STAB1: variants seen among roughly 807,000 people sequenced by gnomAD.
STAB1 encodes stabilin 1.
In STAB1, 250 loss-of-function variants were observed where a neutral mutation model predicts 332.4. That is an observed-to-expected ratio of 0.75 (90% CI 0.68 to 0.84). STAB1 has a LOEUF of 0.84. Among genes scored for constraint, STAB1 ranks in the 40% least tolerant of loss-of-function variants. STAB1 has a pLI of 0.00. For missense variants in STAB1, 3,249 were observed against 3,489.7 expected (o/e 0.93, Z 1.74); for synonymous variants, 1,475 against 1,390.4 (o/e 1.06, Z -1.35).
chr3:52,518,719 C>G lies in STAB1; in HGVS notation c.4888-4C>G, dbSNP rs768928203. ...ACCCCACTCCCCTCGCGACTCTGCT[C>G]CAGGATGAGCTGGCCCGGATTCGTG... is the stretch of plus-strand genomic sequence containing the variant. On this transcript the variant is annotated splice_region_variant and splice_polypyrimidine_tract_variant and intron_variant, in intron 47 of 68. Transcript: ENST00000321725. 1 of 1,612,276 alleles carries G rather than the reference C, an allele frequency of 6.2e-7. No homozygotes were observed. Among genetic ancestry groups the G allele is most frequent in the Admixed American group, 1.7e-5 (1 of 59,968 alleles).
chr3:52,500,618 G>A (rs1056839437), intron 1 of STAB1, among the ~76,000 whole-genome samples: 4 of 152,258 alleles, frequency 2.6e-5, no homozygotes, highest in Non-Finnish European at 5.9e-5. Flanking sequence ...AGCCGGCATC[G>A]TGCCTGTGCC....
In STAB1 at chr3:52,511,666, A is replaced by C; in HGVS notation, c.2804A>C (p.Lys935Thr). The C allele has an allele frequency of 6.2e-7, 1 of 1,610,810 alleles. No homozygotes were observed. Among genetic ancestry groups the C allele is most frequent in the Non-Finnish European group, 8.5e-7 (1 of 1,178,578 alleles). ...CCTTTCCAGAGCCGATGCACCTGCA[A>C]GCTGGGCTTTGCCGGGGATGGCTAC... ...VGPGQSRCTC[K>T]LGFAGDGYQC... The change falls in exon 26 of 69, where the codon AAG becomes ACG. Residue 935 changes from lysine (K) to threonine (T), a missense_variant. Coordinates refer to ENST00000321725, the MANE Select transcript of STAB1 (RefSeq NM_015136.3).
In STAB1 at chr3:52,513,190, A is replaced by C. The variant is rs1400200683; in HGVS notation, c.3219A>C (p.Glu1073Asp). 6.3e-7 allele frequency: 1 copy of C among 1,586,766 alleles called. No individual in the cohort carries two copies. Among genetic ancestry groups the C allele is most frequent in the African/African-American group, 1.3e-5 (1 of 74,696 alleles). The change falls in exon 30 of 69, where the codon GAA becomes GAC. Residue 1073 changes from glutamate to aspartate, a missense_variant. Coordinates refer to ENST00000321725, the MANE Select transcript of STAB1 (RefSeq NM_015136.3). Reference protein sequence around the residue: ...EEELARLGGQEVATLNPTTRW... With the variant: ...EEELARLGGQDVATLNPTTRW... ...AGCTGGCCCGGCTGGGTGGGCAGGA[A>C]GTGGCCACCCTGAACCCCACCACAC...
At chr3:52,509,103 C>G in intron 21 of STAB1, 107 bp from the exon 22 acceptor site, 1 of 986,512 alleles carries the variant, frequency 1.0e-6, no homozygotes, top group Non-Finnish European at 1.5e-6. Context: ...TGAGCTCTCA[C>G]GGGTAGCAAG....
chr3:52,514,255 C>A, intron 33 of STAB1, 42 bp downstream of exon 33: 1 of 1,607,958 alleles, frequency 6.2e-7, no homozygotes, highest in Non-Finnish European at 8.5e-7. Context: ...AGGGCAAAGG[C>A]ATAGAGGGCG....
Position 52,501,700 on chromosome 3 carries a change from A to C in STAB1, c.278A>C (p.Lys93Thr). The C allele has an allele frequency of 6.3e-7, 1 of 1,583,190 alleles. No homozygotes were observed. The highest frequency in any genetic ancestry group is 8.6e-7 in the Non-Finnish European group (1 of 1,165,620). The stretch of plus-strand genomic sequence containing the variant: ...AGCGGCTGCAGACGGAAGTGCCGGA[A>C]GCAAGTGGTGCAGAAGGCCTGCTGC... ...SMSGCRRKCR[K>T]QVVQKACCPG... Residue 93 changes from lysine to threonine, a missense_variant, in exon 3 of 69, where the codon AAG becomes ACG. Lys to Thr is a moderately conservative substitution (Grantham distance 78). Transcript: ENST00000321725.
intron 1 of STAB1, among the ~76,000 whole-genome samples, chr3:52,498,446 C>T (rs1708203600): frequency 6.6e-6 from 1 of 152,238 alleles, no homozygotes; most frequent in Non-Finnish European, 1.5e-5. Flanking sequence ...AGGCAGGGCC[C>T]CTCGGCTGTG....
chr3:52,506,900 G>C (rs201220741), intron 18 of STAB1, 50 bp downstream of exon 18: 2 of 1,592,260 alleles, frequency 1.3e-6, no homozygotes, highest in African/African-American at 1.3e-5. Context: ...CCCTGTCAGC[G>C]CTGGAGCGGC....
chr3:52,502,772 G>T, intron 6 of STAB1, 45 bp downstream of exon 6: 2 of 1,584,540 alleles, frequency 1.3e-6, no homozygotes, highest in South Asian at 1.1e-5. Context: ...GGTCCCTGTG[G>T]CCAGAGCAAA....
rs373903085 is a variant in STAB1 at position 52,522,050 on chromosome 3, C to T, written c.6285C>T (p.Cys2095=). The T allele has an allele frequency of 5.6e-6, 9 of 1,613,320 alleles. No individual in the cohort carries two copies. The highest frequency in any genetic ancestry group is 1.6e-4 in the Middle Eastern group (1 of 6,062). Residue 2095 remains cysteine, a synonymous_variant, in exon 59 of 69, where the codon TGC becomes TGT. Coordinates refer to ENST00000321725, the MANE Select transcript of STAB1 (RefSeq NM_015136.3). The part of the protein sequence containing the change: ...DGRVCTVADL[C]QDGHGGCSEH... ...CCCTGCCCTCAGTGGCAGACCTGTG[C>T]CAGGACGGGCATGGTGGCTGCAGTG...
At position 52,505,400 on chromosome 3, in the gene STAB1, TCC is replaced by T; in HGVS notation, c.1581+20_1581+21del. 6.2e-7 allele frequency: 1 copy of T among 1,610,162 alleles called. No individual in the cohort carries two copies. The highest frequency in any genetic ancestry group is 8.5e-7 in the Non-Finnish European group (1 of 1,178,136). On this transcript the variant is annotated intron_variant, in intron 14 of 68. Coordinates refer to ENST00000321725, the MANE Select transcript of STAB1 (RefSeq NM_015136.3). ...CCTGGAGGTAAGCTCGGGGGAGGGG[TCC>T]TAGCCCATGTGGGCTTCTGGGCTTC...
rs141523116 is a variant in STAB1, at chr3:52,508,338, C to T, written c.2214C>T (p.Asn738=). 7.4e-6 allele frequency: 12 copies of T among 1,613,788 alleles called. No individual in the cohort carries two copies. In the South Asian group the frequency reaches 1.2e-4, roughly 16 times the overall value. The change falls in exon 21 of 69, where the codon AAC becomes AAT. Residue 738 remains asparagine, a synonymous_variant. Transcript: ENST00000321725. ...CGCAGTGTCCTGGGGGCTTCTCCAA[C>T]CCCTGCTATGGCAAAGGCAATGTGA... ...DCTQCPGGFS[N]PCYGKGNCSD... is the part of the protein sequence containing the mutation.
In STAB1 at chr3:52,524,318, G is replaced by A; in HGVS notation, c.7675G>A (p.Asp2559Asn). 1 of 1,613,906 alleles carries A rather than the reference G, an allele frequency of 6.2e-7. No homozygotes were observed. Among genetic ancestry groups the A allele is most frequent in the African/African-American group, 1.3e-5 (1 of 75,070 alleles). The change falls in exon 69 of 69, where the codon GAC (aspartate) becomes AAC (asparagine). Residue 2559 changes from aspartate (D) to asparagine (N), a missense_variant. Coordinates refer to ENST00000321725, the MANE Select transcript of STAB1 (RefSeq NM_015136.3). The stretch of plus-strand genomic sequence containing the variant: ...CTTCTAGGACTCACTGCTGGAGGAG[G>A]ACTTCCCTGACACCCAGAGGATCCT... Reference protein sequence around the residue: ...EPFDDSLLEEDFPDTQRILTV... With the variant: ...EPFDDSLLEENFPDTQRILTV...
At chr3:52,522,993 T>C in intron 62 of STAB1, 32 bp from the exon 63 acceptor site, 5 of 1,593,842 alleles carry the variant, frequency 3.1e-6, no homozygotes, top group Non-Finnish European at 3.4e-6. Flanking sequence ...TTCCCACCAA[T>C]CTGCTGAGCC....
intron 50 of STAB1, 44 bp from the exon 51 acceptor site, chr3:52,519,900 T>C: frequency 6.5e-7 from 1 of 1,531,600 alleles, no homozygotes; most frequent in Non-Finnish European, 8.8e-7. Flanking sequence ...CTAACTAGTC[T>C]CTGACTGGGC....
At chr3:52,498,346 C>G (rs1266370041) in intron 1 of STAB1, among the ~76,000 whole-genome samples, 3 of 152,246 alleles carry the variant, frequency 2.0e-5, no homozygotes, top group East Asian at 3.8e-4. Flanking sequence ...ACTCAGCACT[C>G]AGGCCGTGAT....
At position 52,502,049 on chromosome 3, in the gene STAB1, C is replaced by A; in HGVS notation, c.375C>A (p.Thr125=). Reference sequence around the variant, plus strand: ...AGACCCCATGCAATGGCCACGGGACCTGCTTGGATGGCATGGACAGGAATG... The same window carrying A: ...AGACCCCATGCAATGGCCACGGGACATGCTTGGATGGCATGGACAGGAATG... ...GAETPCNGHG[T]CLDGMDRNGT... The change falls in exon 4 of 69, where the codon ACC becomes ACA. Residue 125 remains threonine, a synonymous_variant. Coordinates refer to ENST00000321725, the MANE Select transcript of STAB1 (RefSeq NM_015136.3). The A allele has an allele frequency of 6.2e-7, 1 of 1,613,484 alleles. No homozygotes were observed.
rs747142333 is a variant in STAB1 at position 52,509,281 on chromosome 3, C to T, written c.2307C>T (p.Ile769=). Residue 769 remains isoleucine (I), a synonymous_variant, in exon 22 of 69, where the codon ATC becomes ATT. Transcript: ENST00000321725. The part of the protein sequence containing the change: ...FPDYKGIACH[I]CSNPNKHGEQ... Reference sequence around the variant, plus strand: ...ACTACAAGGGCATCGCCTGCCACATCTGCTCGAACCCAAACAAGCATGGAG... The same window carrying T: ...ACTACAAGGGCATCGCCTGCCACATTTGCTCGAACCCAAACAAGCATGGAG... 54 of 1,613,582 alleles carry T rather than the reference C, an allele frequency of 3.3e-5. No homozygotes were observed. Among genetic ancestry groups the T allele is most frequent in the African/African-American group, 5.3e-5 (4 of 74,948 alleles).
In STAB1 at chr3:52,523,568, G is replaced by A. The variant is rs1426837535; in HGVS notation, c.7282G>A (p.Ala2428Thr). ...SDAGPDNSSW[A>T]PVAPGTVVVS... is the part of the protein sequence containing the mutation. ...CGCAGGCCCTGACAACAGTTCCTGG[G>A]CCCCTGTGGTGAGTCTGGCCACTGT... is the stretch of plus-strand genomic sequence containing the variant. Residue 2428 changes from alanine (A) to threonine (T), a missense_variant, in exon 65 of 69, where the codon GCC (alanine) becomes ACC (threonine). By Grantham distance (58) the Ala-to-Thr change is moderately conservative. Transcript: ENST00000321725. The A allele has an allele frequency of 2.5e-6, 4 of 1,612,752 alleles. No homozygotes were observed. The highest frequency in any genetic ancestry group is 1.7e-5 in the Admixed American group (1 of 60,028).
Sources: allele counts gnomAD v4.1 joint callset (sites outside exome capture counted in the v4.1 genomes callset), GRCh38; gene constraint gnomAD v4.1.1; transcripts MANE v1.5; gene names NCBI Gene and HGNC (gene_info 2026-07-23, HGNC 2026-07-21).